WDR1: variants seen among roughly 807,000 people sequenced by gnomAD.
WDR1 encodes the protein WD repeat domain 1.
A neutral mutation model predicts 71.9 loss-of-function variants in WDR1; 21 were observed. The ratio of observed to expected loss-of-function variants is 0.29; its 90% CI spans 0.21 to 0.42. WDR1 has a LOEUF of 0.42. Among genes scored for constraint, WDR1 ranks in the 10% least tolerant of loss-of-function variants. The probability of loss-of-function intolerance (pLI) is 1.00; values close to 1 mark genes in which losing one functional copy is unlikely to be tolerated. For missense variants in WDR1, 696 were observed against 824.5 expected (o/e 0.84, Z 1.91); for synonymous variants, 424 against 347.4 (o/e 1.22, Z -2.45).
chr4:10,088,482 C>A (rs973071583), intron 6 of WDR1, 109 bp from the exon 7 acceptor site: 11 of 1,241,378 alleles, frequency 8.9e-6, no homozygotes, highest in Non-Finnish European at 1.3e-5. Context: ...AGACTAAGCT[C>A]CCAGTGTGGT....
chr4:10,075,580 T>A, intron 14 of WDR1, 96 bp from the exon 15 acceptor site: 1 of 1,140,682 alleles, frequency 8.8e-7, no homozygotes, highest in East Asian at 2.6e-5. Flanking sequence ...GCCTAAATCA[T>A]CTCCAGGGCC....
chr4:10,103,837 GGCCCTGA>G (rs1299132392), intron 3 of WDR1, 52 bp downstream of exon 3: 50 of 1,407,104 alleles, frequency 3.6e-5, no homozygotes, highest in Non-Finnish European at 3.3e-5. Flanking sequence ...CTTCGCCCTG[GGCCCTGA>G]GCGCCACCCA....
intron 10 of WDR1, among the ~76,000 whole-genome samples, chr4:10,081,664 G>T (rs1470412166): frequency 6.5e-4 from 13 of 20,098 alleles, no homozygotes; most frequent in African/African-American, 1.2e-3. Context: ...GGGGAGGGGT[G>T]GGGGGGGGGG....
chr4:10,101,278 T>TCAG (rs1157255374), intron 3 of WDR1, among the ~76,000 whole-genome samples: 1 of 152,188 alleles, frequency 6.6e-6, no homozygotes, highest in Non-Finnish European at 1.5e-5. Context: ...GTTCAACACT[T>TCAG]CAGCAGTCAT....
intron 7 of WDR1, 73 bp downstream of exon 7, chr4:10,088,219 GT>G: frequency 7.2e-7 from 1 of 1,388,550 alleles, no homozygotes; most frequent in South Asian, 1.2e-5. Flanking sequence ...TAACTCCGGA[GT>G]GAGTGTGGAT....
chr4:10,114,088 T>C (rs555258113), intron 2 of WDR1, among the ~76,000 whole-genome samples: 1 of 152,268 alleles, frequency 6.6e-6, no homozygotes, highest in South Asian at 2.1e-4. Context: ...CGTACCCACC[T>C]TTACTTGAGT....
rs1172484833 is a variant in WDR1 at position 10,097,830 on chromosome 4, T to C, written c.439A>G (p.Lys147Glu). ...TTGATGTCCACGCTGTTGATGACTTTGTTGTGTCCTGTAATCTCGCCCACA... is the reference window on the plus strand; with the variant it reads ...TTGATGTCCACGCTGTTGATGACTTCGTTGTGTCCTGTAATCTCGCCCACA... ...SSVGEITGHN[K>E]VINSVDIKQS... is the part of the protein sequence containing the mutation. Residue 147 changes from lysine to glutamate, a missense_variant, in exon 5 of 15, where the codon AAA becomes GAA. Transcript: ENST00000499869. The C allele has an allele frequency of 6.2e-7, 1 of 1,612,984 alleles. No homozygotes were observed.
At chr4:10,110,241 T>C (rs1713270833) in intron 2 of WDR1, among the ~76,000 whole-genome samples, 1 of 152,178 alleles carries the variant, frequency 6.6e-6, no homozygotes, top group African/African-American at 2.4e-5. Context: ...TGCCCATCAC[T>C]GAGACGGCGA....
chr4:10,077,966 A>G, intron 12 of WDR1, 40 bp from the exon 13 acceptor site: 4 of 1,554,744 alleles, frequency 2.6e-6, no homozygotes, highest in Non-Finnish European at 3.5e-6. Flanking sequence ...ACCCCTGAAC[A>G]CACACACCAC....
chr4:10,097,982 T>G, intron 4 of WDR1, 91 bp from the exon 5 acceptor site: 1 of 1,316,038 alleles, frequency 7.6e-7, no homozygotes, highest in South Asian at 1.6e-5. Context: ...GAGCTGCCAG[T>G]GCACAGAGGA....
intron 10 of WDR1, among the ~76,000 whole-genome samples, chr4:10,082,471 C>A (rs1461228429): frequency 6.6e-6 from 1 of 152,220 alleles, no homozygotes; most frequent in African/African-American, 2.4e-5. Flanking sequence ...TCAAGTCCCT[C>A]CAACTGCATT....
intron 11 of WDR1, among the ~76,000 whole-genome samples, chr4:10,079,858 T>A (rs1015784298): frequency 5.3e-5 from 8 of 152,314 alleles, no homozygotes; most frequent in African/African-American, 1.7e-4. Context: ...GAGGTGGCCT[T>A]ACCTACTCAC....
rs530967760 is a variant in WDR1 at position 10,087,328 on chromosome 4, T to C, written c.951+379A>G. Among the ~76,000 whole-genome samples, 284 of 152,380 alleles carry C rather than the reference T, an allele frequency of 1.9e-3. 4 individuals are homozygous for C. Among genetic ancestry groups the C allele is most frequent in the Non-Finnish European group, 2.2e-3 (148 of 68,032 alleles). Reference sequence around the variant, plus strand: ...CCCCGTCACCTGCCCTGGTGCTCAGTGAGCTTCTGCTCTTGCCTGCAGTCG... The same window carrying C: ...CCCCGTCACCTGCCCTGGTGCTCAGCGAGCTTCTGCTCTTGCCTGCAGTCG... On this transcript the variant is annotated intron_variant, in intron 8 of 14. Transcript: ENST00000499869.
At chr4:10,077,631 G>T in intron 13 of WDR1, 122 bp downstream of exon 13, 1 of 1,458,912 alleles carries the variant, frequency 6.9e-7, no homozygotes. Flanking sequence ...CCTGCTACTT[G>T]TAGAGGCAAG....
intron 14 of WDR1, 80 bp downstream of exon 14, chr4:10,077,224 G>C: frequency 6.4e-7 from 1 of 1,566,268 alleles, no homozygotes; most frequent in East Asian, 2.3e-5. Flanking sequence ...GGGGACTGAA[G>C]CCAGGGGACA....
chr4:10,081,493 G>T, intron 10 of WDR1, 49 bp from the exon 11 acceptor site: 3 of 1,559,946 alleles, frequency 1.9e-6, no homozygotes, highest in South Asian at 2.2e-5. Flanking sequence ...AGCAGCTCAG[G>T]GTAGGTATGC....
At chr4:10,104,592 T>G (rs932335234) in intron 2 of WDR1, among the ~76,000 whole-genome samples, 2 of 152,142 alleles carry the variant, frequency 1.3e-5, no homozygotes, top group Admixed American at 1.3e-4. Flanking sequence ...GGGGCCAACA[T>G]TTGAGACTAG....
intron 2 of WDR1, 49 bp from the exon 3 acceptor site, chr4:10,104,035 A>G (rs1301156138): frequency 1.3e-6 from 2 of 1,533,970 alleles, no homozygotes; most frequent in Admixed American, 3.9e-5. Context: ...GAAGCAGTCA[A>G]GCTTCCAGCT....
At position 10,074,605 on chromosome 4, in the gene WDR1, G is replaced by A. The variant is rs1480065611; in HGVS notation, c.*773C>T. 1 of 152,672 alleles carries A rather than the reference G, an allele frequency of 6.5e-6. No homozygotes were observed. Among genetic ancestry groups the A allele is most frequent in the Non-Finnish European group, 1.5e-5 (1 of 68,042 alleles). The allele number at this position is 152,672 out of a possible 1,614,324, so 9.5% of individuals were successfully genotyped here. On this transcript the variant is annotated 3_prime_UTR_variant, in exon 15 of 15. Transcript: ENST00000499869. ...CCTTTGCTCTTGAGAGCAGAAGAGG[G>A]AAAGACAGGGGAACATCAAAGCATG...
Sources: allele counts gnomAD v4.1 joint callset (sites outside exome capture counted in the v4.1 genomes callset), GRCh38; gene constraint gnomAD v4.1.1; transcripts MANE v1.5; gene names NCBI Gene and HGNC (gene_info 2026-07-23, HGNC 2026-07-21).